Variants in PIGK observed in about 807,000 individuals in gnomAD.
PIGK encodes phosphatidylinositol glycan anchor biosynthesis class K.
A neutral mutation model predicts 50.6 loss-of-function variants in PIGK; 42 were observed. The ratio of observed to expected loss-of-function variants is 0.83; its 90% confidence interval spans 0.65 to 1.07. The LOEUF is 1.07. Ranked by LOEUF, PIGK falls within the 50% of genes least tolerant of loss-of-function variation. The pLI is 0.00. For missense variants in PIGK, 448 were observed against 488.7 expected, an observed-to-expected ratio of 0.92 and a Z score of 0.78; for synonymous variants, 151 against 156.0, an observed-to-expected ratio of 0.97 and a Z score of 0.24.
chr1:77,185,212 C>T (rs892768455), intron 3 of PIGK, among the ~76,000 whole-genome samples: 2 of 152,210 alleles, frequency 1.3e-5, no homozygotes, highest in African/African-American at 2.4e-5. Flanking sequence ...AGCAATATAC[C>T]TTTACTGTCC....
intron 3 of PIGK, among the ~76,000 whole-genome samples, chr1:77,197,037 G>C (rs1019080849): frequency 1.3e-5 from 2 of 152,050 alleles, no homozygotes; most frequent in South Asian, 2.1e-4. Flanking sequence ...CACTCTCACA[G>C]TAATAATAAA....
At chr1:77,148,579 TA>T (rs916154432) in intron 9 of PIGK, among the ~76,000 whole-genome samples, 4 of 151,918 alleles carry the variant, frequency 2.6e-5, no homozygotes, top group Non-Finnish European at 4.4e-5. Context: ...ATAGGCAATA[TA>T]AAAAAAACGC....
chr1:77,179,216 A>G (rs1655556583), intron 3 of PIGK, among the ~76,000 whole-genome samples: 1 of 152,210 alleles, frequency 6.6e-6, no homozygotes, highest in Admixed American at 6.5e-5. Context: ...ACTGTTTCCC[A>G]GTGGGTTTCA....
At chr1:77,175,515 G>A (rs1655464963) in intron 3 of PIGK, among the ~76,000 whole-genome samples, 1 of 152,086 alleles carries the variant, frequency 6.6e-6, no homozygotes, top group African/African-American at 2.4e-5. Context: ...TGAGACTACT[G>A]AAATAACAGT....
At position 77,137,822 on chromosome 1, in the gene PIGK, G is replaced by A. The variant is rs113664656; in HGVS notation, c.987-15463C>T. On this transcript the variant is annotated intron_variant, in intron 9 of 10. Coordinates refer to ENST00000370812, the MANE Select transcript of PIGK (RefSeq NM_005482.3). ...TTTCACCATGTTGGCCAGGCTGGTC[G>A]TGAACTACTAACCTCAAGTGATTTG... Among the ~76,000 whole-genome samples the A allele has an allele frequency of 2.6e-3, 391 of 152,128 alleles. 1 individual carries two copies. Among genetic ancestry groups the A allele is most frequent in the African/African-American group, 9.0e-3 (375 of 41,540 alleles).
chr1:77,160,396 T>A (rs1009410370), intron 8 of PIGK, among the ~76,000 whole-genome samples: 1 of 152,164 alleles, frequency 6.6e-6, no homozygotes, highest in Non-Finnish European at 1.5e-5. Flanking sequence ...ATCTGAGAAT[T>A]TACCTAAAAG....
intron 8 of PIGK, among the ~76,000 whole-genome samples, chr1:77,158,262 C>T (rs530690635): frequency 6.6e-6 from 1 of 152,146 alleles, no homozygotes; most frequent in Non-Finnish European, 1.5e-5. Flanking sequence ...AGTAATCCGC[C>T]CACCTCAACC....
rs143625068 is a variant in PIGK, at chr1:77,210,396, C to T, written c.147+40G>A. ...TCACACAAATTTCTCAGATACATATCTAATGTGAACAGCAAGGTATACTTT... is the reference window on the plus strand; with the variant it reads ...TCACACAAATTTCTCAGATACATATTTAATGTGAACAGCAAGGTATACTTT... On this transcript the variant is annotated intron_variant, in intron 2 of 10. Transcript: ENST00000370812. 2,513 of 1,256,320 alleles carry T rather than the reference C, an allele frequency of 2.0e-3. 23 individuals are homozygous for T. Among genetic ancestry groups the T allele is most frequent in the Middle Eastern group, 0.013 (68 of 5,206 alleles). The allele number at this position is 1,256,320 out of a possible 1,614,324, so 77.8% of individuals were successfully genotyped here. A position where few individuals can be genotyped will look rare whatever the true frequency, so the allele number is the denominator to read the frequency against.
chr1:77,169,296 AT>A lies in PIGK; in HGVS notation c.338del (p.Tyr113LeufsTer14). ...TATAATCCACTTCCACATCATCTCCATACACATTTAGTTCCATATTCTTGTG... is the reference window on the plus strand; with the variant it reads ...TATAATCCACTTCCACATCATCTCCAACACATTTAGTTCCATATTCTTGTG... The part of the protein sequence containing the change: ...FSHKNMELNV[Y>X]GDDVEVDYRS... On this transcript the variant is annotated frameshift_variant, in exon 4 of 11. Coordinates refer to ENST00000370812, the MANE Select transcript of PIGK (RefSeq NM_005482.3). LOFTEE classifies it high-confidence loss of function. The A allele has an allele frequency of 6.3e-7, 1 of 1,590,436 alleles. No individual in the cohort carries two copies. The highest frequency in any genetic ancestry group is 8.6e-7 in the Non-Finnish European group (1 of 1,165,608).
At chr1:77,131,943 C>T (rs1180499585) in intron 9 of PIGK, among the ~76,000 whole-genome samples, 1 of 151,938 alleles carries the variant, frequency 6.6e-6, no homozygotes, top group African/African-American at 2.4e-5. Flanking sequence ...TATGTCAGCA[C>T]CTCAAGTGGT....
chr1:77,125,962 G>A (rs1051524522), intron 9 of PIGK, among the ~76,000 whole-genome samples: 2 of 151,704 alleles, frequency 1.3e-5, no homozygotes, highest in African/African-American at 2.4e-5. Context: ...ATCTTCCCTT[G>A]TCTACCTTGT....
At chr1:77,145,170 T>C (rs76023486) in intron 9 of PIGK, among the ~76,000 whole-genome samples, 1,911 of 152,076 alleles carry the variant, frequency 0.013, 38 homozygotes, top group African/African-American at 0.044. Context: ...GATGTTACTA[T>C]TGAATATGTA....
chr1:77,186,374 C>T (rs1210370396), intron 3 of PIGK, among the ~76,000 whole-genome samples: 1 of 152,246 alleles, frequency 6.6e-6, no homozygotes, highest in African/African-American at 2.4e-5. Flanking sequence ...TCGAGCAGTG[C>T]ACCTGGTTGT....
In PIGK at chr1:77,206,632, C is replaced by T. The variant is rs1656292422; in HGVS notation, c.239+8G>A. 3 of 1,485,328 alleles carry T rather than the reference C, an allele frequency of 2.0e-6. No homozygotes were observed. The highest frequency in any genetic ancestry group is 1.9e-6 in the Non-Finnish European group (2 of 1,063,764). 92.0% of individuals were successfully genotyped at this position (1,485,328 alleles called of 1,614,324 possible). A position where few individuals can be genotyped will look rare whatever the true frequency, so the allele number is the denominator to read the frequency against. On this transcript the variant is annotated splice_region_variant and intron_variant, in intron 3 of 10. Transcript: ENST00000370812. ...AGTTCAAGGTTAAGCTTTATTAAGG[C>T]TTCTTACCTGTCAGGAATACCTAGC...
chr1:77,101,631 G>C (rs1372279604), intron 10 of PIGK, among the ~76,000 whole-genome samples: 1 of 152,152 alleles, frequency 6.6e-6, no homozygotes, highest in Non-Finnish European at 1.5e-5. Flanking sequence ...TTGGTTTTAG[G>C]ATTTAAGGAA....
chr1:77,114,308 A>G (rs1653916868), intron 10 of PIGK, among the ~76,000 whole-genome samples: 1 of 152,158 alleles, frequency 6.6e-6, no homozygotes, highest in Non-Finnish European at 1.5e-5. Flanking sequence ...ATTCATGTAT[A>G]AAATGGGAAC....
In PIGK at chr1:77,139,233, T is replaced by A. The variant is rs560533100; in HGVS notation, c.986+15216A>T. On this transcript the variant is annotated intron_variant, in intron 9 of 10. Coordinates refer to ENST00000370812, the MANE Select transcript of PIGK (RefSeq NM_005482.3). The stretch of plus-strand genomic sequence containing the variant: ...TTGAGTTTTAGCGTCTATGTGTTTT[T>A]TCCCAAGAGATTTCCCTACTGTTGA... 1.2e-4 allele frequency among the ~76,000 whole-genome samples: 19 copies of A among 152,138 alleles called. No homozygotes were observed. In the East Asian group the frequency reaches 3.7e-3, roughly 29 times the overall value.
chr1:77,188,764 C>G (rs71658784), intron 3 of PIGK, among the ~76,000 whole-genome samples: 6,710 of 152,242 alleles, frequency 0.044, 254 homozygotes, highest in Admixed American at 0.12. Flanking sequence ...AAATTTCTCT[C>G]TTTTGTACTC....
At chr1:77,151,882 C>T (rs908020464) in intron 9 of PIGK, among the ~76,000 whole-genome samples, 22 of 152,054 alleles carry the variant, frequency 1.4e-4, no homozygotes, top group African/African-American at 4.8e-4. Context: ...TCATGGATTG[C>T]ACGAAATAAC....
Sources: gnomAD v4.1 joint callset for allele counts (sites outside exome capture counted in the v4.1 genomes callset) on GRCh38, gnomAD v4.1.1 for gene constraint, MANE v1.5 for transcripts, NCBI Gene and HGNC (gene_info 2026-07-23, HGNC 2026-07-21) for gene names.